Variants in SNX8 observed in about 807,000 individuals in gnomAD.
SNX8 encodes the protein sorting nexin 8.
In SNX8, 25 loss-of-function variants were observed where a neutral mutation model predicts 51.6. That is an observed-to-expected ratio of 0.48 (90% CI 0.35 to 0.68). The LOEUF is 0.68. SNX8 is among the 30% of genes least tolerant of loss of function. SNX8 has a pLI of 0.00. For missense variants in SNX8, 695 were observed against 624.0 expected, an observed-to-expected ratio of 1.11 and a Z score of -1.21; for synonymous variants, 324 against 277.0, an observed-to-expected ratio of 1.17 and a Z score of -1.68.
chr7:2,268,125 G>GC (rs1296712396), intron 5 of SNX8, among the ~76,000 whole-genome samples: 54 of 140,464 alleles, frequency 3.8e-4, no homozygotes, highest in Non-Finnish European at 6.6e-4. Context: ...GGGGGGGTCA[G>GC]CCCCCCGCCT....
chr7:2,352,429 C>A (rs912573409), intron 1 of SNX8, among the ~76,000 whole-genome samples: 2 of 152,070 alleles, frequency 1.3e-5, no homozygotes, highest in African/African-American at 4.8e-5. Flanking sequence ...CACAGACACA[C>A]CACCAGACAC....
chr7:2,277,236 A>C (rs956594613), intron 2 of SNX8, among the ~76,000 whole-genome samples: 15 of 152,340 alleles, frequency 9.8e-5, no homozygotes, highest in African/African-American at 1.9e-4. Flanking sequence ...GGACAGAGAG[A>C]GCCACGGTGT....
intron 1 of SNX8, among the ~76,000 whole-genome samples, chr7:2,320,165 G>C (rs1796810753): frequency 6.6e-6 from 1 of 152,050 alleles, no homozygotes; most frequent in Non-Finnish European, 1.5e-5. Flanking sequence ...AGACCAGCCT[G>C]ACCAACATGA....
intron 1 of SNX8, among the ~76,000 whole-genome samples, chr7:2,346,575 GTCT>G (rs1156465445): frequency 6.6e-6 from 1 of 151,274 alleles, no homozygotes; most frequent in Non-Finnish European, 1.5e-5. Context: ...GTGAAACCCC[GTCT>G]CTACTAAAAT....
exon 1 of SNX8, chr7:2,354,289 C>CT (rs1487235939): frequency 6.6e-6 from 1 of 152,210 alleles, no homozygotes; most frequent in Non-Finnish European, 1.5e-5. Flanking sequence ...CCCCGAATTC[C>CT]TTTTCTATTT....
At chr7:2,346,182 C>T (rs1779020703) in intron 1 of SNX8, among the ~76,000 whole-genome samples, 1 of 152,106 alleles carries the variant, frequency 6.6e-6, no homozygotes, top group South Asian at 2.1e-4. Context: ...CTTACAGGTA[C>T]ATGATGGCTT....
intron 1 of SNX8, among the ~76,000 whole-genome samples, chr7:2,340,363 T>G (rs555422281): frequency 6.6e-6 from 1 of 151,296 alleles, no homozygotes; most frequent in Non-Finnish European, 1.5e-5. Context: ...TGACCCACCA[T>G]GCCCGGCCTA....
At position 2,257,518 on chromosome 7, in the gene SNX8, C is replaced by A; in HGVS notation, c.985-4G>T. On this transcript the variant is annotated splice_polypyrimidine_tract_variant and splice_region_variant and intron_variant, in intron 8 of 10. Transcript: ENST00000222990. ...TCTCATGCCGCTCGCACAGGTCCTG[C>A]GGGGCCGGGGGAGGCATTCGCCCGC... 2 of 1,600,434 alleles carry A rather than the reference C, an allele frequency of 1.2e-6. No homozygotes were observed. The highest frequency in any genetic ancestry group is 1.7e-6 in the Non-Finnish European group (2 of 1,177,232).
intron 3 of SNX8, among the ~76,000 whole-genome samples, chr7:2,273,918 AC>A (rs1352936132): frequency 6.6e-6 from 1 of 151,762 alleles, no homozygotes; most frequent in East Asian, 1.9e-4. Context: ...AAAAAAAAAA[AC>A]ACCATAAAAG....
At chr7:2,303,717 G>A (rs1447725104) in intron 1 of SNX8, among the ~76,000 whole-genome samples, 13 of 152,150 alleles carry the variant, frequency 8.5e-5, no homozygotes, top group East Asian at 5.8e-4. Context: ...GATTAAGGGC[G>A]GTGCAAGATA....
chr7:2,347,433 A>G (rs533513265), intron 1 of SNX8, among the ~76,000 whole-genome samples: 1 of 146,840 alleles, frequency 6.8e-6, no homozygotes, highest in East Asian at 2.1e-4. Context: ...GGGAGCCAAG[A>G]TAGCACCACT....
At position 2,263,316 on chromosome 7, in the gene SNX8, T is replaced by A; in HGVS notation, c.829A>T (p.Asn277Tyr). 1 of 1,613,582 alleles carries A rather than the reference T, an allele frequency of 6.2e-7. No individual in the cohort carries two copies. The highest frequency in any genetic ancestry group is 8.5e-7 in the Non-Finnish European group (1 of 1,179,836). The change falls in exon 7 of 11, where the codon AAT becomes TAT. Residue 277 changes from asparagine (N) to tyrosine (Y), a missense_variant. Asn to Tyr is a moderately radical substitution (Grantham distance 143). Coordinates refer to ENST00000222990, the MANE Select transcript of SNX8 (RefSeq NM_013321.4). ...TTPLPSWAAL[N>Y]SSTWGSLKQA... ...TTCAGGGACCCCCACGTGCTGCTAT[T>A]CAGAGCGGCCCAGGAGGGCAGCGGG...
intron 1 of SNX8, among the ~76,000 whole-genome samples, chr7:2,290,868 C>T (rs1227138297): frequency 6.6e-6 from 1 of 152,212 alleles, no homozygotes; most frequent in Non-Finnish European, 1.5e-5. Context: ...ACAACCTTTT[C>T]CCCCAGGAGA....
At chr7:2,342,075 C>G (rs1356847638) in intron 1 of SNX8, among the ~76,000 whole-genome samples, 1 of 148,482 alleles carries the variant, frequency 6.7e-6, no homozygotes, top group Non-Finnish European at 1.5e-5. Flanking sequence ...ATCTGGATCT[C>G]TCAGATGCAA....
intron 1 of SNX8, among the ~76,000 whole-genome samples, chr7:2,320,094 G>C (rs764568841): frequency 5.3e-5 from 8 of 152,150 alleles, no homozygotes; most frequent in Non-Finnish European, 1.0e-4. Flanking sequence ...CATGGCTCAC[G>C]CCTGTAATCC....
intron 1 of SNX8, among the ~76,000 whole-genome samples, chr7:2,348,923 C>T (rs1363937035): frequency 2.1e-5 from 3 of 144,502 alleles, no homozygotes. Context: ...TGCACTCCAG[C>T]CTGGGCAACA....
chr7:2,257,069 G>T (rs779703263), intron 9 of SNX8, 46 bp from the exon 10 acceptor site: 51 of 1,548,238 alleles, frequency 3.3e-5, no homozygotes, highest in Non-Finnish European at 5.2e-6. Context: ...AGCCGGCGAC[G>T]GGAGCACCAA....
chr7:2,260,925 G>A (rs988122787), intron 7 of SNX8, among the ~76,000 whole-genome samples: 1 of 152,170 alleles, frequency 6.6e-6, no homozygotes, highest in African/African-American at 2.4e-5. Context: ...GTGGAAATGC[G>A]GCATCCAGGG....
intron 3 of SNX8, among the ~76,000 whole-genome samples, chr7:2,273,271 G>C (rs1005258559): frequency 6.6e-6 from 1 of 151,506 alleles, no homozygotes; most frequent in Non-Finnish European, 1.5e-5. Context: ...CCAGCGTAGC[G>C]AAACCCTGTC....
Sources: gnomAD v4.1 joint callset for allele counts (sites outside exome capture counted in the v4.1 genomes callset) on GRCh38, gnomAD v4.1.1 for gene constraint, MANE v1.5 for transcripts, NCBI Gene and HGNC (gene_info 2026-07-23, HGNC 2026-07-21) for gene names.